SGCZ: variants seen among roughly 807,000 people sequenced by gnomAD.
SGCZ encodes sarcoglycan zeta.
A neutral mutation model predicts 41.3 loss-of-function variants in SGCZ; 40 were observed. The observed-to-expected ratio is 0.97, with a 90% CI of 0.75 to 1.26. The LOEUF is 1.26. Ranked by LOEUF, SGCZ falls within the 50% of genes most tolerant of loss-of-function variation. The probability of loss-of-function intolerance (pLI) is 0.00; values close to 1 mark genes in which losing one functional copy is unlikely to be tolerated. For missense variants in SGCZ, 552 were observed against 369.8 expected, an observed-to-expected ratio of 1.49 and a Z score of -4.04; for synonymous variants, 206 against 137.5, an observed-to-expected ratio of 1.50 and a Z score of -3.49.
chr8:14,570,669 G>A (rs1416607342), intron 1 of SGCZ, among the ~76,000 whole-genome samples: 1 of 152,032 alleles, frequency 6.6e-6, no homozygotes, highest in South Asian at 2.1e-4. Context: ...TTAAATCAGA[G>A]AACAAAGTAC....
At chr8:14,731,089 T>A (rs1437114541) in intron 1 of SGCZ, among the ~76,000 whole-genome samples, 2 of 151,854 alleles carry the variant, frequency 1.3e-5, no homozygotes, top group Non-Finnish European at 2.9e-5. Flanking sequence ...TGCACAAGTA[T>A]GTTTATTGTG....
At chr8:14,711,762 T>A (rs576562174) in intron 1 of SGCZ, among the ~76,000 whole-genome samples, 1 of 152,302 alleles carries the variant, frequency 6.6e-6, no homozygotes, top group South Asian at 2.1e-4. Context: ...AAACTGCACA[T>A]AGTAACACTA....
intron 1 of SGCZ, among the ~76,000 whole-genome samples, chr8:14,683,943 A>C (rs189419567): frequency 6.6e-6 from 1 of 152,286 alleles, no homozygotes; most frequent in African/African-American, 2.4e-5. Flanking sequence ...ATTTTAAAAT[A>C]TCTAAAATCT....
intron 7 of SGCZ, among the ~76,000 whole-genome samples, chr8:14,098,359 C>G (rs959101155): frequency 6.6e-6 from 1 of 152,092 alleles, no homozygotes; most frequent in African/African-American, 2.4e-5. Context: ...AAGCAAACAA[C>G]AACAAAAACC....
chr8:14,317,966 C>T (rs970077918), intron 3 of SGCZ, among the ~76,000 whole-genome samples: 2 of 150,656 alleles, frequency 1.3e-5, no homozygotes, highest in African/African-American at 4.9e-5. Context: ...ATCACTCTAC[C>T]AATTAGAAAA....
intron 2 of SGCZ, among the ~76,000 whole-genome samples, chr8:14,412,388 A>C (rs1212927771): frequency 1.3e-5 from 2 of 152,148 alleles, no homozygotes; most frequent in Admixed American, 6.6e-5. Context: ...GTTTCCCTTT[A>C]GATCACTGGG....
At position 14,170,155 on chromosome 8, in the gene SGCZ, C is replaced by T. The variant is rs1371539064; in HGVS notation, c.425-5453G>A. Among the ~76,000 whole-genome samples the T allele has an allele frequency of 2.0e-5, 3 of 150,496 alleles. No homozygotes were observed. In the East Asian group the frequency reaches 5.9e-4, roughly 29 times the overall value. On this transcript the variant is annotated intron_variant, in intron 4 of 7. Coordinates refer to ENST00000382080, the MANE Select transcript of SGCZ (RefSeq NM_139167.4). Reference sequence around the variant, plus strand: ...TTTATTAAATAGAAGTTTTAGAAATCTTCCACTTTCAACAATCACTGCATC... The same window carrying T: ...TTTATTAAATAGAAGTTTTAGAAATTTTCCACTTTCAACAATCACTGCATC...
intron 1 of SGCZ, among the ~76,000 whole-genome samples, chr8:15,128,253 C>T (rs938930696): frequency 1.3e-5 from 2 of 152,048 alleles, no homozygotes; most frequent in Admixed American, 6.5e-5. Flanking sequence ...ATTCAGCTCC[C>T]GGTGATGTCT....
intron 1 of SGCZ, among the ~76,000 whole-genome samples, chr8:14,937,752 AT>A (rs575585895): frequency 2.0e-5 from 3 of 152,036 alleles, no homozygotes; most frequent in East Asian, 1.9e-4. Context: ...TCAAATACAT[AT>A]TTTTTTCTCA....
chr8:14,354,289 A>G (rs1013048439), intron 2 of SGCZ, among the ~76,000 whole-genome samples: 1 of 151,950 alleles, frequency 6.6e-6, no homozygotes, highest in Non-Finnish European at 1.5e-5. Flanking sequence ...TTTACTAGAA[A>G]TAATCTGAAA....
chr8:14,905,164 T>C (rs1341292499), intron 1 of SGCZ, among the ~76,000 whole-genome samples: 2 of 152,010 alleles, frequency 1.3e-5, no homozygotes, highest in Admixed American at 6.6e-5. Flanking sequence ...AATGACATCA[T>C]AGATGAAGTT....
chr8:14,246,909 CAAAAA>C (rs5889525), intron 3 of SGCZ, among the ~76,000 whole-genome samples: 7 of 84,348 alleles, frequency 8.3e-5, no homozygotes, highest in Non-Finnish European at 6.8e-5. Flanking sequence ...GACTCCATCT[CAAAAA>C]AAAAAAAAAA....
intron 1 of SGCZ, among the ~76,000 whole-genome samples, chr8:14,596,202 C>T (rs538743497): frequency 1.3e-5 from 2 of 152,176 alleles, no homozygotes; most frequent in African/African-American, 2.4e-5. Flanking sequence ...CCAGATGCAA[C>T]CCTTTATGAC....
chr8:14,203,801 A>C (rs1203431474), intron 4 of SGCZ, among the ~76,000 whole-genome samples: 1 of 152,196 alleles, frequency 6.6e-6, no homozygotes, highest in Non-Finnish European at 1.5e-5. Flanking sequence ...GCACTATTGA[A>C]ACATACAGTA....
At chr8:14,129,802 C>G (rs1802983314) in intron 5 of SGCZ, among the ~76,000 whole-genome samples, 1 of 151,902 alleles carries the variant, frequency 6.6e-6, no homozygotes, top group African/African-American at 2.4e-5. Flanking sequence ...AGCCAAACCA[C>G]TGAAAATGAC....
intron 2 of SGCZ, among the ~76,000 whole-genome samples, chr8:14,504,224 T>A (rs563395256): frequency 6.6e-6 from 1 of 152,376 alleles, no homozygotes. Context: ...ATCTTCAGAT[T>A]GCTTTGGTTG....
At chr8:14,179,546 C>T (rs73217576) in intron 4 of SGCZ, among the ~76,000 whole-genome samples, 35,416 of 152,022 alleles carry the variant, frequency 0.23, 5,001 homozygotes, top group African/African-American at 0.39. Context: ...CTCCCTGTTT[C>T]ACTATATTAA....
At chr8:14,360,400 G>A (rs147274666) in intron 2 of SGCZ, among the ~76,000 whole-genome samples, 10 of 150,940 alleles carry the variant, frequency 6.6e-5, no homozygotes, top group African/African-American at 1.7e-4. Context: ...ATCTCAACTC[G>A]CTGTAACCTC....
At chr8:15,004,496 G>C (rs1295659933) in intron 1 of SGCZ, among the ~76,000 whole-genome samples, 3 of 152,220 alleles carry the variant, frequency 2.0e-5, no homozygotes, top group African/African-American at 7.2e-5. Context: ...TAAGACAGAG[G>C]TGGGAATTTC....
Sources: allele counts gnomAD v4.1 joint callset (sites outside exome capture counted in the v4.1 genomes callset), GRCh38; gene constraint gnomAD v4.1.1; transcripts MANE v1.5; gene names NCBI Gene and HGNC (gene_info 2026-07-23, HGNC 2026-07-21).